MVB12B: variants seen among roughly 807,000 people sequenced by gnomAD.
The protein encoded by MVB12B is multivesicular body subunit 12B.
A neutral mutation model predicts 41.6 loss-of-function variants in MVB12B; 16 were observed. The observed-to-expected ratio is 0.38, with a 90% confidence interval of 0.26 to 0.58. The LOEUF is 0.58. Ranked by LOEUF, MVB12B falls within the 20% of genes least tolerant of loss-of-function variation. MVB12B has a pLI of 0.62. For synonymous variants in MVB12B, 133 were observed against 139.7 expected, an observed-to-expected ratio of 0.95 and a Z score of 0.34; for missense variants, 274 against 380.2, an observed-to-expected ratio of 0.72 and a Z score of 2.32.
intron 8 of MVB12B, among the ~76,000 whole-genome samples, chr9:126,482,495 G>C (rs537383937): frequency 6.6e-6 from 1 of 152,158 alleles, no homozygotes; most frequent in Admixed American, 6.5e-5. Context: ...AACTTCAGCC[G>C]ACTCCACGGG....
In MVB12B at chr9:126,468,621, A is replaced by C. The variant is rs1002846030; in HGVS notation, c.758-12748A>C. Reference sequence around the variant, plus strand: ...CTCCATTCTTACTGCCACTGCCCTCATCCGGGCCACCAGCGTCCCTCGCCT... The same window carrying C: ...CTCCATTCTTACTGCCACTGCCCTCCTCCGGGCCACCAGCGTCCCTCGCCT... On this transcript the variant is annotated intron_variant, in intron 7 of 9. Coordinates refer to ENST00000361171, the MANE Select transcript of MVB12B (RefSeq NM_033446.3). This position sits in a 1 kb window ranked among gnomAD's most constrained non-coding sequence, Gnocchi z 4.3. Among the ~76,000 whole-genome samples the C allele has an allele frequency of 6.6e-6, 1 of 152,208 alleles. No homozygotes were observed. The highest frequency in any genetic ancestry group is 1.5e-5 in the Non-Finnish European group (1 of 68,006).
At chr9:126,388,502 T>C (rs1489836728) in intron 4 of MVB12B, among the ~76,000 whole-genome samples, 3 of 152,264 alleles carry the variant, frequency 2.0e-5, no homozygotes, top group South Asian at 2.1e-4. Flanking sequence ...TGAACATTCA[T>C]GTACAAGTTT....
At position 126,459,570 on chromosome 9, in the gene MVB12B, C is replaced by A. The variant is rs1422974376; in HGVS notation, c.758-21799C>A. Among the ~76,000 whole-genome samples the A allele has an allele frequency of 6.6e-6, 1 of 152,096 alleles. No individual in the cohort carries two copies. Among genetic ancestry groups the A allele is most frequent in the Non-Finnish European group, 1.5e-5 (1 of 68,012 alleles). On this transcript the variant is annotated intron_variant, in intron 7 of 9. Transcript: ENST00000361171. This position sits in a 1 kb window ranked among gnomAD's most constrained non-coding sequence, Gnocchi z 4.3. ...AGCATTTCTCATGGTGCCATTGTGT[C>A]TGAGGTCCCAGAGCCAAAGCCTCGG...
At chr9:126,502,663 GC>G (rs766838961) in intron 9 of MVB12B, among the ~76,000 whole-genome samples, 2 of 152,142 alleles carry the variant, frequency 1.3e-5, no homozygotes, top group Non-Finnish European at 2.9e-5. Context: ...AGCAGTGGAG[GC>G]CCCTCCCATG....
rs141075920 is a variant in MVB12B, at chr9:126,476,821, G to A, written c.758-4548G>A. Among the ~76,000 whole-genome samples the A allele has an allele frequency of 3.7e-3, 529 of 143,488 alleles. 8 individuals are homozygous for A. The East Asian group carries it at 0.043, about 12-fold the overall frequency. 94.1% of individuals were successfully genotyped at this position (143,488 alleles called of 152,430 possible). A position where few individuals can be genotyped will look rare whatever the true frequency, so the allele number is the denominator to read the frequency against. On this transcript the variant is annotated intron_variant, in intron 7 of 9. Transcript: ENST00000361171. ...GAACCCAGGAGGAGGAGCTTGCAGT[G>A]AGCCAAGATTGCGCCACTGCACTCC...
At chr9:126,341,791 C>T (rs1564280843) in intron 2 of MVB12B, among the ~76,000 whole-genome samples, 1 of 152,186 alleles carries the variant, frequency 6.6e-6, no homozygotes, top group African/African-American at 2.4e-5. Context: ...TGTCTCCAGA[C>T]GTAGCCAGAT....
At chr9:126,470,596 C>G (rs1461584837) in intron 7 of MVB12B, among the ~76,000 whole-genome samples, 1 of 151,876 alleles carries the variant, frequency 6.6e-6, no homozygotes, top group East Asian at 1.9e-4. Context: ...GCGAGCCCCT[C>G]AATTACAGTC....
chr9:126,502,595 G>A (rs969731409), intron 9 of MVB12B, among the ~76,000 whole-genome samples: 1 of 152,132 alleles, frequency 6.6e-6, no homozygotes, highest in Admixed American at 6.5e-5. Context: ...CCTCAGCAGG[G>A]GTGCCTCTGA....
intron 2 of MVB12B, among the ~76,000 whole-genome samples, chr9:126,372,461 A>G (rs1042526734): frequency 1.2e-4 from 19 of 152,166 alleles, no homozygotes; most frequent in Non-Finnish European, 4.4e-5. Context: ...CTGTTTTCCA[A>G]AGTGGCTGCA....
intron 2 of MVB12B, among the ~76,000 whole-genome samples, chr9:126,348,324 C>T (rs1277252431): frequency 1.3e-5 from 2 of 152,188 alleles, no homozygotes; most frequent in Admixed American, 6.5e-5. Context: ...CCTGCCGCAC[C>T]CTGGCCCCAA....
At chr9:126,420,838 C>T (rs140826463) in intron 6 of MVB12B, among the ~76,000 whole-genome samples, 65 of 152,162 alleles carry the variant, frequency 4.3e-4, no homozygotes, top group Middle Eastern at 3.4e-3. Context: ...CCACCGCGCC[C>T]GGCCCTCCCA....
chr9:126,397,851 C>T (rs1831159452), intron 6 of MVB12B, among the ~76,000 whole-genome samples: 1 of 152,080 alleles, frequency 6.6e-6, no homozygotes, highest in Non-Finnish European at 1.5e-5. Flanking sequence ...GGCTTCAGGT[C>T]TCTACACTCT....
In MVB12B at chr9:126,391,943, G is replaced by A; in HGVS notation, c.410-123G>A. On this transcript the variant is annotated intron_variant, in intron 4 of 9. Coordinates refer to ENST00000361171, the MANE Select transcript of MVB12B (RefSeq NM_033446.3). This position sits in a 1 kb window ranked among gnomAD's most constrained non-coding sequence, Gnocchi z 4.4. ...CGGCAGAGCGCAGCCCTTCTGTCCA[G>A]CAGCTTAGGTGACCTGCCACTTCTG... The A allele has an allele frequency of 8.7e-7, 1 of 1,155,132 alleles. No homozygotes were observed. Among genetic ancestry groups the A allele is most frequent in the Non-Finnish European group, 1.3e-6 (1 of 788,082 alleles). The allele number at this position is 1,155,132 out of a possible 1,614,324, so 71.6% of individuals were successfully genotyped here.
intron 9 of MVB12B, among the ~76,000 whole-genome samples, chr9:126,491,716 C>T (rs1031856698): frequency 3.9e-5 from 6 of 152,152 alleles, no homozygotes; most frequent in African/African-American, 9.7e-5. Flanking sequence ...AACTATCACC[C>T]AAATTCCTAC....
At position 126,448,562 on chromosome 9, in the gene MVB12B, G is replaced by A. The variant is rs147516603; in HGVS notation, c.757+26614G>A. ...AAGAAAAGAGGTTTAATTGACTCAC[G>A]GTTCTGCAGACTATATAGGAAGCTC... On this transcript the variant is annotated intron_variant, in intron 7 of 9. Coordinates refer to ENST00000361171, the MANE Select transcript of MVB12B (RefSeq NM_033446.3). Among the ~76,000 whole-genome samples the A allele has an allele frequency of 3.7e-3, 560 of 152,272 alleles. 2 individuals carry two copies. The highest frequency in any genetic ancestry group is 0.013 in the African/African-American group (539 of 41,546).
At chr9:126,439,919 G>A (rs1311582287) in intron 7 of MVB12B, among the ~76,000 whole-genome samples, 1 of 152,164 alleles carries the variant, frequency 6.6e-6, no homozygotes, top group African/African-American at 2.4e-5. Context: ...CTTAAGTACA[G>A]TCATTAAATA....
intron 2 of MVB12B, among the ~76,000 whole-genome samples, chr9:126,353,392 T>C: frequency 6.6e-6 from 1 of 152,212 alleles, no homozygotes; most frequent in East Asian, 1.9e-4. Context: ...TCCAATCCTT[T>C]TCCCACAAAT....
intron 2 of MVB12B, among the ~76,000 whole-genome samples, chr9:126,380,747 A>G (rs746299689): frequency 1.3e-5 from 2 of 152,214 alleles, no homozygotes; most frequent in Non-Finnish European, 2.9e-5. Flanking sequence ...GTAAGTGGTA[A>G]TAGCCGCTTA....
chr9:126,374,831 C>T (rs192014904), intron 2 of MVB12B, among the ~76,000 whole-genome samples: 4 of 152,342 alleles, frequency 2.6e-5, no homozygotes, highest in Admixed American at 6.5e-5. Context: ...AAAGAAATAA[C>T]GAATTATCAT....
Sources: gnomAD v4.1 joint callset for allele counts (sites outside exome capture counted in the v4.1 genomes callset) on GRCh38, gnomAD v4.1.1 for gene constraint, Gnocchi (gnomAD v3.1) non-coding constraint, MANE v1.5 for transcripts, NCBI Gene and HGNC (gene_info 2026-07-23, HGNC 2026-07-21) for gene names.